Variants in RNF135 observed in about 807,000 individuals in gnomAD.
The protein encoded by RNF135 is ring finger protein 135, also known as E3 ubiquitin-protein ligase RNF135.
RNF135 carries 46 observed loss-of-function variants against 41.9 expected under a neutral mutation model. That is an observed-to-expected ratio of 1.10 (90% CI 0.87 to 1.40). The LOEUF (loss-of-function observed/expected upper bound fraction) is 1.40. Among genes scored for constraint, RNF135 ranks in the 40% most tolerant of loss-of-function variants. The pLI is 0.00. For synonymous variants in RNF135, 238 were observed against 223.8 expected (o/e 1.06, Z -0.57); for missense variants, 539 against 549.8 (o/e 0.98, Z 0.20).
intron 1 of RNF135, among the ~76,000 whole-genome samples, chr17:30,983,319 A>G (rs1407951181): frequency 3.0e-5 from 1 of 33,392 alleles, no homozygotes; most frequent in African/African-American, 1.3e-4. Context: ...ACATATATGT[A>G]CATATATATA....
chr17:30,984,772 T>C lies in RNF135; in HGVS notation c.516+12T>C. On this transcript the variant is annotated intron_variant, in intron 2 of 4. Transcript: ENST00000328381. ...GCATCCTGGGCAAGGTAGGCTCCAC[T>C]GGGAGAGGAAAGGATGTGGAAGGGA... 6.2e-7 allele frequency: 1 copy of C among 1,613,900 alleles called. No homozygotes were observed. Among genetic ancestry groups the C allele is most frequent in the East Asian group, 2.2e-5 (1 of 44,886 alleles).
upstream of RNF135, chr17:30,969,222 T>G (rs1327155720): frequency 6.6e-6 from 1 of 152,148 alleles, no homozygotes; most frequent in Non-Finnish European, 1.5e-5. Flanking sequence ...ATTTTTTAAG[T>G]TGGAAGATCT....
chr17:30,975,281 T>C, intron 1 of RNF135: 4 of 577,738 alleles, frequency 6.9e-6, no homozygotes, highest in Non-Finnish European at 1.2e-5. Flanking sequence ...TGTTTTCATG[T>C]CACTGCACTC....
At chr17:30,982,044 G>A (rs1315376226) in intron 1 of RNF135, among the ~76,000 whole-genome samples, 1 of 152,152 alleles carries the variant, frequency 6.6e-6, no homozygotes, top group Non-Finnish European at 1.5e-5. Context: ...ACCACTATCT[G>A]GCTACCACCT....
At chr17:30,970,962 A>C (rs1905841867), upstream of RNF135, 2 of 1,453,188 alleles carry the variant, frequency 1.4e-6, no homozygotes, top group Non-Finnish European at 1.8e-6. Flanking sequence ...AAGGAGGAGA[A>C]AAGGCGGCCG....
upstream of RNF135, chr17:30,970,923 C>A (rs1004800171): frequency 9.1e-7 from 1 of 1,095,884 alleles, no homozygotes; most frequent in Middle Eastern, 3.0e-4. Flanking sequence ...TCAGCAGGAT[C>A]GGAGGAAGGA....
At chr17:30,982,635 G>A (rs879376670) in intron 1 of RNF135, among the ~76,000 whole-genome samples, 45 of 152,074 alleles carry the variant, frequency 3.0e-4, no homozygotes, top group Admixed American at 6.5e-4. Context: ...GTTAAATTTG[G>A]TGTTCTTGTG....
chr17:30,978,161 T>G (rs565057106), intron 1 of RNF135, among the ~76,000 whole-genome samples: 11 of 152,216 alleles, frequency 7.2e-5, no homozygotes, highest in Non-Finnish European at 1.5e-4. Flanking sequence ...TTTAGGATCC[T>G]TTCTTTAACC....
intron 1 of RNF135, among the ~76,000 whole-genome samples, chr17:30,975,207 C>T (rs891782650): frequency 1.3e-5 from 2 of 151,924 alleles, no homozygotes; most frequent in Non-Finnish European, 2.9e-5. Context: ...GCTGTGGTCC[C>T]AGCTACTTGC....
chr17:30,995,429 T>C (rs981735346), intron 3 of RNF135, among the ~76,000 whole-genome samples: 2 of 151,880 alleles, frequency 1.3e-5, no homozygotes, highest in African/African-American at 2.4e-5. Context: ...AGGGTCTCAT[T>C]ATGTTGCCCA....
intron 1 of RNF135, among the ~76,000 whole-genome samples, chr17:30,977,849 A>G (rs1199036870): frequency 6.6e-6 from 1 of 152,192 alleles, no homozygotes; most frequent in African/African-American, 2.4e-5. Flanking sequence ...GATTACAAGT[A>G]TGAGCCACTG....
intron 3 of RNF135, among the ~76,000 whole-genome samples, chr17:30,991,949 T>A (rs1908017596): frequency 6.6e-6 from 1 of 151,780 alleles, no homozygotes; most frequent in African/African-American, 2.4e-5. Flanking sequence ...TTTTTTTTTT[T>A]GAGAAGCAGT....
intron 3 of RNF135, among the ~76,000 whole-genome samples, chr17:30,994,163 A>G (rs1458189899): frequency 6.6e-6 from 1 of 152,212 alleles, no homozygotes; most frequent in East Asian, 1.9e-4. Context: ...AAATAGGAGA[A>G]CAGTGATATT....
chr17:30,970,971 C>G (rs1445241416), upstream of RNF135: 28 of 1,478,966 alleles, frequency 1.9e-5, no homozygotes, highest in Non-Finnish European at 2.3e-5. Flanking sequence ...AAAAGGCGGC[C>G]GAGAAAAGGA....
chr17:30,974,590 A>T (rs7224127), intron 1 of RNF135, among the ~76,000 whole-genome samples: 1 of 144,060 alleles, frequency 6.9e-6, no homozygotes, highest in African/African-American at 2.5e-5. Context: ...TCCTTCAGTG[A>T]TTTTTTTTTT....
At chr17:30,964,389 CAAAAAA>C in the RNF135 span, among the ~76,000 whole-genome samples, 1 of 37,196 alleles carries the variant, frequency 2.7e-5, no homozygotes, top group African/African-American at 8.2e-5. Flanking sequence ...GACTTCATCT[CAAAAAA>C]AAAAAAAAAA....
intron 2 of RNF135, among the ~76,000 whole-genome samples, chr17:30,986,096 G>A (rs976338514): frequency 2.6e-5 from 4 of 152,114 alleles, no homozygotes; most frequent in Admixed American, 2.0e-4. Context: ...CCTTTCATTT[G>A]TAGTGGTTAT....
At chr17:30,994,547 A>G (rs547575479) in intron 3 of RNF135, among the ~76,000 whole-genome samples, 1 of 152,284 alleles carries the variant, frequency 6.6e-6, no homozygotes, top group African/African-American at 2.4e-5. Context: ...CAAAAAAAGT[A>G]GCAGCTCAGA....
At chr17:30,994,914 A>G (rs1470624315) in intron 3 of RNF135, among the ~76,000 whole-genome samples, 1 of 151,340 alleles carries the variant, frequency 6.6e-6, no homozygotes, top group African/African-American at 2.4e-5. Flanking sequence ...CTGGGATTAC[A>G]GGTGTGAGCC....
Sources: gnomAD v4.1 joint callset for allele counts (sites outside exome capture counted in the v4.1 genomes callset) on GRCh38, gnomAD v4.1.1 for gene constraint, MANE v1.5 for transcripts, NCBI Gene and HGNC (gene_info 2026-07-23, HGNC 2026-07-21) for gene names.